The following DNAI3 variants were observed in gnomAD, a reference collection of about 807,000 sequenced individuals.
DNAI3 encodes WD repeat domain 63.
A neutral mutation model predicts 115.5 loss-of-function variants in DNAI3; 83 were observed. That is an observed-to-expected ratio of 0.72 (90% CI 0.60 to 0.86). The LOEUF is 0.86. DNAI3 is among the 40% of genes least tolerant of loss of function. The probability of loss-of-function intolerance (pLI) is 0.00; values close to 1 mark genes in which losing one functional copy is unlikely to be tolerated. For missense variants in DNAI3, 1,004 were observed against 1,075.8 expected (o/e 0.93, Z 0.93); for synonymous variants, 320 against 347.0 (o/e 0.92, Z 0.86).
chr1:85,072,128 G>T (rs1338610597), intron 2 of DNAI3, 123 bp downstream of exon 2: 7 of 930,376 alleles, frequency 7.5e-6, no homozygotes, highest in Non-Finnish European at 1.1e-5. Context: ...AAAGTCAAAT[G>T]TATGAGGAAT....
intron 1 of DNAI3, among the ~76,000 whole-genome samples, chr1:85,071,635 T>C (rs1049147386): frequency 6.6e-6 from 1 of 152,192 alleles, no homozygotes; most frequent in Non-Finnish European, 1.5e-5. Context: ...AGCCAAGTCC[T>C]CTGTCGTGCT....
chr1:85,106,856 A>G (rs1441052971), intron 14 of DNAI3, among the ~76,000 whole-genome samples: 1 of 152,230 alleles, frequency 6.6e-6, no homozygotes, highest in Non-Finnish European at 1.5e-5. Flanking sequence ...TTGGATTCCT[A>G]TCTCACCCTA....
At chr1:85,082,152 T>C in intron 4 of DNAI3, 148 bp from the exon 5 acceptor site, 4 of 615,700 alleles carry the variant, frequency 6.5e-6, no homozygotes, top group Non-Finnish European at 1.1e-5. Flanking sequence ...ATAAAATAAT[T>C]TTGCAATTTG....
chr1:85,081,350 A>T lies in DNAI3; in HGVS notation c.220A>T (p.Ile74Phe), dbSNP rs752361338. Reference sequence around the variant, plus strand: ...TTATAAGCTTATCAATAAAGAAGACATTTTTGAGGACCTGCGCAACAGAGC... The same window carrying T: ...TTATAAGCTTATCAATAAAGAAGACTTTTTTGAGGACCTGCGCAACAGAGC... The part of the protein sequence containing the change: ...QPYKLINKED[I>F]FEDLRNRAAV... The change falls in exon 4 of 23, where the codon ATT becomes TTT. Residue 74 changes from isoleucine to phenylalanine, a missense_variant. By Grantham distance (21) the Ile-to-Phe change is conservative (BLOSUM62 0). Transcript: ENST00000294664. The T allele has an allele frequency of 6.9e-6, 11 of 1,604,342 alleles. No individual in the cohort carries two copies. The highest frequency in any genetic ancestry group is 8.5e-7 in the Non-Finnish European group (1 of 1,177,134).
At chr1:85,102,882 T>C (rs188645111) in intron 13 of DNAI3, among the ~76,000 whole-genome samples, 5 of 152,354 alleles carry the variant, frequency 3.3e-5, no homozygotes, top group Non-Finnish European at 1.5e-5. Flanking sequence ...AATACTGTTA[T>C]GTTTTTGGAT....
At chr1:85,085,332 T>C (rs1244994009) in intron 6 of DNAI3, among the ~76,000 whole-genome samples, 1 of 152,176 alleles carries the variant, frequency 6.6e-6, no homozygotes, top group East Asian at 1.9e-4. Context: ...TGGCATTCCC[T>C]CTCAAAGGAA....
At chr1:85,130,532 T>G (rs1571206572) in intron 22 of DNAI3, among the ~76,000 whole-genome samples, 1 of 152,184 alleles carries the variant, frequency 6.6e-6, no homozygotes, top group Non-Finnish European at 1.5e-5. Context: ...TTGCTGAGCT[T>G]CAGGTCTCTT....
intron 15 of DNAI3, among the ~76,000 whole-genome samples, chr1:85,108,495 T>A (rs1296770813): frequency 6.6e-6 from 1 of 152,208 alleles, no homozygotes; most frequent in Non-Finnish European, 1.5e-5. Flanking sequence ...ATATGGTTGC[T>A]GATGTAGCTG....
chr1:85,125,535 A>T lies in DNAI3; in HGVS notation c.2113-976A>T, dbSNP rs531723136. ...ATGCCAATGTACTTCTGTATGTTTG[A>T]TTTTTTTTTTTTTTACAATTAGCAA... On this transcript the variant is annotated intron_variant, in intron 19 of 22. Transcript: ENST00000294664. Among the ~76,000 whole-genome samples the T allele has an allele frequency of 1.0e-3, 150 of 147,442 alleles. No individual in the cohort carries two copies. The East Asian group carries it at 0.024, about 23-fold the overall frequency.
intron 22 of DNAI3, among the ~76,000 whole-genome samples, chr1:85,132,360 T>C (rs1656353714): frequency 6.6e-6 from 1 of 152,184 alleles, no homozygotes; most frequent in Admixed American, 6.5e-5. Flanking sequence ...TTTGCAAACA[T>C]AAAATCTGGA....
At chr1:85,088,703 C>T (rs1356027496) in intron 7 of DNAI3, among the ~76,000 whole-genome samples, 1 of 152,092 alleles carries the variant, frequency 6.6e-6, no homozygotes. Flanking sequence ...CCCAATGTTT[C>T]GGGCATAATT....
At chr1:85,112,304 T>C (rs925893779) in intron 16 of DNAI3, among the ~76,000 whole-genome samples, 3 of 152,238 alleles carry the variant, frequency 2.0e-5, no homozygotes, top group African/African-American at 7.2e-5. Flanking sequence ...GGCATTTCAT[T>C]GTATGGATAC....
chr1:85,097,799 G>A, intron 12 of DNAI3, 144 bp downstream of exon 12: 3 of 736,406 alleles, frequency 4.1e-6, no homozygotes, highest in Non-Finnish European at 6.4e-6. Context: ...GCCTTCACCT[G>A]TGCTTGTGAA....
chr1:85,106,083 T>G (rs180722666), intron 14 of DNAI3, among the ~76,000 whole-genome samples: 32 of 152,114 alleles, frequency 2.1e-4, no homozygotes, highest in Non-Finnish European at 3.1e-4. Context: ...GAGGTTTCAG[T>G]GAGCCGAGAT....
chr1:85,080,528 C>T (rs1654608484), intron 3 of DNAI3, among the ~76,000 whole-genome samples: 1 of 152,068 alleles, frequency 6.6e-6, no homozygotes, highest in Admixed American at 6.6e-5. Flanking sequence ...GGCTGCAGGA[C>T]CTGGCAGGAT....
In DNAI3 at chr1:85,124,243, G is replaced by A. The variant is rs778162677; in HGVS notation, c.2104G>A (p.Gly702Ser). The A allele has an allele frequency of 1.3e-6, 2 of 1,559,002 alleles. No individual in the cohort carries two copies. Among genetic ancestry groups the A allele is most frequent in the South Asian group, 2.3e-5 (2 of 88,158 alleles). ...GGWNVAIWKE[G>S]VMTGPLLQSC... ...TTGGAACGTGGCCATATGGAAAGAA[G>A]GTGTTATGGTAAGTTGCCTGCAAAA... The change falls in exon 19 of 23, where the codon GGT (glycine) becomes AGT (serine). Residue 702 changes from glycine to serine, a missense_variant. Around this residue, in one of 3 missense-constraint regions of DNAI3, gnomAD observed 429 missense variants for 454.3 expected, o/e 0.94. Transcript: ENST00000294664.
rs749871928 is a variant in DNAI3 at position 85,132,917 on chromosome 1, T to C, written c.2595T>C (p.Tyr865=). The change falls in exon 23 of 23, where the codon TAT becomes TAC. Residue 865 remains tyrosine (Y), a synonymous_variant. Transcript: ENST00000294664. ...AATTAAAAATGGACTATGAGAGTTATCTGGAACTGGAAAAGACTGTTCTTA... is the reference window on the plus strand; with the variant it reads ...AATTAAAAATGGACTATGAGAGTTACCTGGAACTGGAAAAGACTGTTCTTA... ...QAELKMDYES[Y]LELEKTVLIN... 2.5e-6 allele frequency: 4 copies of C among 1,613,884 alleles called. No individual in the cohort carries two copies. Among genetic ancestry groups the C allele is most frequent in the Non-Finnish European group, 3.4e-6 (4 of 1,179,946 alleles).
chr1:85,099,671 C>A (rs559864239), intron 13 of DNAI3, among the ~76,000 whole-genome samples: 113 of 152,288 alleles, frequency 7.4e-4, no homozygotes, highest in African/African-American at 2.6e-3. Flanking sequence ...CAAGTCAATC[C>A]TAAGCCAAAA....
At position 85,108,061 on chromosome 1, in the gene DNAI3, C is replaced by G; in HGVS notation, c.1582C>G (p.Gln528Glu). Residue 528 changes from glutamine (Q) to glutamate (E), a missense_variant, in exon 15 of 23, where the codon CAG (glutamine) becomes GAG (glutamate). Around this residue, in one of 3 missense-constraint regions of DNAI3, gnomAD observed 429 missense variants for 454.3 expected, o/e 0.94. Transcript: ENST00000294664. ...CTICFWDIRP[Q>E]KPLTPQTTEK... is the part of the protein sequence containing the mutation. The stretch of plus-strand genomic sequence containing the variant: ...AATATGTTTTTGGGATATTAGACCA[C>G]AGAAACCTTTAACCCCCCAAACAAC... 6.2e-7 allele frequency: 1 copy of G among 1,600,274 alleles called. No individual in the cohort carries two copies. Among genetic ancestry groups the G allele is most frequent in the Non-Finnish European group, 8.5e-7 (1 of 1,175,202 alleles).
Sources: gnomAD v4.1 joint callset for allele counts (sites outside exome capture counted in the v4.1 genomes callset) on GRCh38, gnomAD v4.1.1 for gene constraint, gnomAD v4.1.1 regional missense constraint, MANE v1.5 for transcripts, NCBI Gene and HGNC (gene_info 2026-07-23, HGNC 2026-07-21) for gene names.